The following POTEC variants were observed in gnomAD, a reference collection of about 807,000 sequenced individuals.
POTEC encodes ANKRD26-like family B member 2.
A neutral mutation model predicts 62.0 loss-of-function variants in POTEC; 35 were observed. That is an observed-to-expected ratio of 0.56 (90% CI 0.43 to 0.75). The LOEUF is 0.75. POTEC is among the 30% of genes least tolerant of loss of function. The pLI is 0.00. For synonymous variants in POTEC, 156 were observed against 221.5 expected (o/e 0.70, Z 2.62); for missense variants, 472 against 655.9 (o/e 0.72, Z 3.06).
Position 14,543,477 on chromosome 18 carries a change from G to A in POTEC, c.-331C>T. The A allele has an allele frequency of 6.1e-6, 3 of 490,826 alleles. No individual in the cohort carries two copies. Among genetic ancestry groups the A allele is most frequent in the South Asian group, 2.4e-5 (1 of 41,186 alleles). 30.4% of individuals were successfully genotyped at this position (490,826 alleles called of 1,614,324 possible). A position where few individuals can be genotyped will look rare whatever the true frequency, so the allele number is the denominator to read the frequency against. Reference sequence around the variant, plus strand: ...AAGCCCAGCAAAGGAATGCGAGGGAGGAAACGCCAATCCAAGCAAGAAACA... The same window carrying A: ...AAGCCCAGCAAAGGAATGCGAGGGAAGAAACGCCAATCCAAGCAAGAAACA... On this transcript the variant is annotated 5_prime_UTR_variant, in exon 1 of 11. Transcript: ENST00000358970.
intron 9 of POTEC, among the ~76,000 whole-genome samples, chr18:14,514,210 G>A (rs781277344): frequency 1.4e-4 from 21 of 152,008 alleles, no homozygotes; most frequent in African/African-American, 4.8e-4. Context: ...CATAAGGAGT[G>A]AACAACCTAT....
intron 5 of POTEC, chr18:14,531,734 T>G (rs2143149579): frequency 6.6e-6 from 1 of 152,064 alleles, no homozygotes; most frequent in South Asian, 2.1e-4. Context: ...CCATGCTAAC[T>G]TTCTCTGTAT....
At chr18:14,528,380 A>G (rs989451328) in intron 6 of POTEC, among the ~76,000 whole-genome samples, 10 of 151,998 alleles carry the variant, frequency 6.6e-5, no homozygotes, top group African/African-American at 2.2e-4. Context: ...CAGCCTCAGA[A>G]AGAGAAATGT....
rs549942288 is a variant in POTEC at position 14,540,740 on chromosome 18, A to C, written c.521+1886T>G. On this transcript the variant is annotated intron_variant, in intron 1 of 10. Transcript: ENST00000358970. ...GATGGGTAAAAGGCATACACATTTT[A>C]AAAATGTGGTTCTTACCATCAAAGT... Among the ~76,000 whole-genome samples the C allele has an allele frequency of 2.4e-4, 36 of 152,328 alleles. No homozygotes were observed. In the East Asian group the frequency reaches 6.4e-3, roughly 27 times the overall value.
intron 9 of POTEC, among the ~76,000 whole-genome samples, chr18:14,521,199 A>C (rs2143125572): frequency 6.6e-6 from 1 of 152,304 alleles, no homozygotes; most frequent in Non-Finnish European, 1.5e-5. Context: ...AGGCACTGAC[A>C]ACAAAAATTT....
chr18:14,532,267 G>T (rs1905548205), intron 5 of POTEC, among the ~76,000 whole-genome samples: 1 of 152,096 alleles, frequency 6.6e-6, no homozygotes, highest in Admixed American at 6.6e-5. Context: ...CTAAGATGTG[G>T]GTTCCACATT....
chr18:14,535,277 A>G (rs1450448338), intron 3 of POTEC, among the ~76,000 whole-genome samples: 1 of 142,306 alleles, frequency 7.0e-6, no homozygotes, highest in Non-Finnish European at 1.5e-5. Context: ...TTGGCATGGC[A>G]CTTTTGGATG....
In POTEC at chr18:14,511,039, C is replaced by T. The variant is rs1233828618; in HGVS notation, c.*859G>A. 2.0e-5 allele frequency: 3 copies of T among 152,030 alleles called. No homozygotes were observed. Among genetic ancestry groups the T allele is most frequent in the African/African-American group, 4.8e-5 (2 of 41,354 alleles). 9.4% of individuals were successfully genotyped at this position (152,030 alleles called of 1,614,324 possible). On this transcript the variant is annotated 3_prime_UTR_variant, in exon 11 of 11. Coordinates refer to ENST00000358970, the MANE Select transcript of POTEC (RefSeq NM_001137671.2). ...TTAAACAAGAATCTGGCCACGTTTT[C>T]GCAGGGTGGCTGTTCTGTGCTGAGG... is the stretch of plus-strand genomic sequence containing the variant.
rs1322378361 is a variant in POTEC, at chr18:14,541,662, C to A, written c.521+964G>T. Among the ~76,000 whole-genome samples the A allele has an allele frequency of 2.0e-5, 3 of 152,062 alleles. No homozygotes were observed. The East Asian group carries it at 5.8e-4, about 29-fold the overall frequency. ...TCAGAAAAATAAATAAATATTTGCA[C>A]ATATAAATAGGCATTTGTGTTTTCT... On this transcript the variant is annotated intron_variant, in intron 1 of 10. Coordinates refer to ENST00000358970, the MANE Select transcript of POTEC (RefSeq NM_001137671.2).
At chr18:14,528,084 C>T (rs1027146836) in intron 6 of POTEC, 1 of 152,174 alleles carries the variant, frequency 6.6e-6, no homozygotes, top group Non-Finnish European at 1.5e-5. Flanking sequence ...GTGGCTTTCA[C>T]ACTACAACAA....
intron 9 of POTEC, among the ~76,000 whole-genome samples, chr18:14,516,663 T>TTGG (rs1296371723): frequency 2.9e-5 from 4 of 136,674 alleles, no homozygotes; most frequent in African/African-American, 1.2e-4. Context: ...GCCAAACTAC[T>TTGG]GGGGGGGGGT....
intron 3 of POTEC, 23 bp from the exon 4 acceptor site, chr18:14,535,030 A>C: frequency 6.3e-7 from 1 of 1,587,384 alleles, no homozygotes; most frequent in South Asian, 1.1e-5. Context: ...ATAAAACAAA[A>C]ACAATATGTA....
In POTEC at chr18:14,510,481, A is replaced by C. The variant is rs45504105; in HGVS notation, c.*1417T>G. On this transcript the variant is annotated 3_prime_UTR_variant, in exon 11 of 11. Coordinates refer to ENST00000358970, the MANE Select transcript of POTEC (RefSeq NM_001137671.2). ...AGGAGATATGGAAATGGGCACCCAC[A>C]TAACAGTCTGGCCACTTTTCTGTGG... 6.6e-6 allele frequency: 1 copy of C among 151,838 alleles called. No homozygotes were observed. The highest frequency in any genetic ancestry group is 2.0e-4 in the East Asian group (1 of 5,128). The allele number at this position is 151,838 out of a possible 1,614,324, so 9.4% of individuals were successfully genotyped here. A position where few individuals can be genotyped will look rare whatever the true frequency, so the allele number is the denominator to read the frequency against.
rs1472359294 is a variant in POTEC, at chr18:14,542,754, C to G, written c.393G>C (p.Pro131=). The G allele has an allele frequency of 1.2e-6, 2 of 1,613,418 alleles. No homozygotes were observed. The highest frequency in any genetic ancestry group is 1.3e-5 in the African/African-American group (1 of 74,882). Residue 131 remains proline, a synonymous_variant, in exon 1 of 11, where the codon CCG becomes CCC. Coordinates refer to ENST00000358970, the MANE Select transcript of POTEC (RefSeq NM_001137671.2). ...GATCTTCTCGACGGACGTGGTACCT[C>G]GGCTCCATGAAGGCGCTGTCGTCGT... ...GDYDDSAFME[P]RYHVRREDLD...
In POTEC at chr18:14,524,921, G is replaced by A. The variant is rs757758025; in HGVS notation, c.1189C>T (p.Gln397Ter). 2.8e-5 allele frequency: 45 copies of A among 1,605,634 alleles called. No individual in the cohort carries two copies. In the Middle Eastern group the frequency reaches 6.8e-4, roughly 24 times the overall value. ...SQRLKVSENS[Q>*]PEKMSQEPEI... ...TTTAAAATTTTCCATGCCTCTGGCT[G>A]GCTATTTTCACTGACTTTAAGCCTT... The change falls in exon 7 of 11, where the codon CAG (glutamine) becomes TAG (stop). Residue 397 changes from glutamine to a stop codon, truncating the protein, a stop_gained. Transcript: ENST00000358970. LOFTEE classifies it high-confidence loss of function.
chr18:14,534,177 T>C (rs892912337), intron 4 of POTEC, among the ~76,000 whole-genome samples: 1 of 148,766 alleles, frequency 6.7e-6, no homozygotes, highest in African/African-American at 2.5e-5. Flanking sequence ...ATGCGGTGTT[T>C]GGTTTTTTGT....
chr18:14,539,070 T>C (rs1457372496), intron 1 of POTEC, among the ~76,000 whole-genome samples: 1 of 152,156 alleles, frequency 6.6e-6, no homozygotes, highest in East Asian at 1.9e-4. Context: ...TCTAAAATAA[T>C]CTATTTCTTA....
At chr18:14,531,493 C>T (rs977928856) in intron 5 of POTEC, among the ~76,000 whole-genome samples, 15 of 152,148 alleles carry the variant, frequency 9.9e-5, no homozygotes, top group African/African-American at 3.1e-4. Flanking sequence ...GACATACATA[C>T]TTATAATATA....
chr18:14,532,676 G>A (rs551153483), intron 5 of POTEC, among the ~76,000 whole-genome samples: 1 of 152,270 alleles, frequency 6.6e-6, no homozygotes, highest in Admixed American at 6.5e-5. Context: ...CAAGGAGTAT[G>A]TAGGAGATAG....
Sources: allele counts gnomAD v4.1 joint callset (sites outside exome capture counted in the v4.1 genomes callset), GRCh38; gene constraint gnomAD v4.1.1; transcripts MANE v1.5; gene names NCBI Gene and HGNC (gene_info 2026-07-23, HGNC 2026-07-21).